DNAI4: variants seen among roughly 807,000 people sequenced by gnomAD.
DNAI4 encodes dynein axonemal intermediate chain 4, also known as WD repeat domain 78.
Under a neutral mutation model 105.8 loss-of-function variants are expected in DNAI4, and 85 were observed. The ratio of observed to expected loss-of-function variants is 0.80; its 90% CI spans 0.67 to 0.96. The LOEUF (loss-of-function observed/expected upper bound fraction) is 0.96, where lower values mean the gene tolerates loss of function less well. Among genes scored for constraint, DNAI4 ranks in the 40% least tolerant of loss-of-function variants. The pLI is 0.00. For missense variants in DNAI4, 1,014 were observed against 1,005.6 expected, an observed-to-expected ratio of 1.01 and a Z score of -0.11; for synonymous variants, 352 against 331.5, an observed-to-expected ratio of 1.06 and a Z score of -0.67.
Position 66,826,832 on chromosome 1 carries a change from AG to A in DNAI4, c.2326del (p.Leu776PhefsTer9). On this transcript the variant is annotated frameshift_variant, in exon 15 of 17. Coordinates refer to ENST00000371026, the MANE Select transcript of DNAI4 (RefSeq NM_024763.5). LOFTEE classifies it high-confidence loss of function. ...ANENRVEIWDLHISTLDPLIV... is the reference protein window; with the variant it reads ...ANENRVEIWDXHISTLDPLIV... ...AATAGTAACTTACGTGCTGATATGA[AG>A]GTCCCAAATCTCCACCCTGTTCTCA... is the stretch of plus-strand genomic sequence containing the variant. The A allele has an allele frequency of 1.2e-6, 2 of 1,613,978 alleles. No homozygotes were observed. Among genetic ancestry groups the A allele is most frequent in the Non-Finnish European group, 1.7e-6 (2 of 1,179,962 alleles).
At chr1:66,866,124 C>T (rs991654320) in intron 6 of DNAI4, among the ~76,000 whole-genome samples, 21 of 151,828 alleles carry the variant, frequency 1.4e-4, no homozygotes, top group Admixed American at 3.9e-4. Flanking sequence ...CTGGCCAAAA[C>T]GGTGAAATCC....
At chr1:66,816,959 T>C (rs1232273581) in intron 16 of DNAI4, among the ~76,000 whole-genome samples, 1 of 152,204 alleles carries the variant, frequency 6.6e-6, no homozygotes, top group African/African-American at 2.4e-5. Flanking sequence ...AATATGTTTT[T>C]ATTTTTGTGT....
chr1:66,875,061 A>G, intron 4 of DNAI4, 124 bp from the exon 5 acceptor site: 1 of 942,296 alleles, frequency 1.1e-6, no homozygotes, highest in Non-Finnish European at 1.5e-6. Context: ...GTCAAGGAAC[A>G]GGCCAGGTTG....
chr1:66,872,105 T>C (rs995151149), intron 5 of DNAI4, among the ~76,000 whole-genome samples: 3 of 152,202 alleles, frequency 2.0e-5, no homozygotes, highest in African/African-American at 7.2e-5. Context: ...ATGTGTTCTC[T>C]GGTTGACCTA....
At chr1:66,858,184 A>G (rs72671674) in intron 7 of DNAI4, among the ~76,000 whole-genome samples, 16,374 of 152,116 alleles carry the variant, frequency 0.11, 1,017 homozygotes, top group Middle Eastern at 0.19. Flanking sequence ...CCAAAACCAG[A>G]TGAAGACATT....
At chr1:66,838,753 T>A (rs987533865) in intron 9 of DNAI4, among the ~76,000 whole-genome samples, 1 of 152,220 alleles carries the variant, frequency 6.6e-6, no homozygotes, top group African/African-American at 2.4e-5. Context: ...ACCCTGACAT[T>A]GACATATCCC....
At chr1:66,899,616 T>C (rs999634073) in intron 2 of DNAI4, among the ~76,000 whole-genome samples, 2 of 152,246 alleles carry the variant, frequency 1.3e-5, no homozygotes, top group Non-Finnish European at 2.9e-5. Context: ...TTGTTACGTA[T>C]GCTTTCAGTG....
intron 7 of DNAI4, among the ~76,000 whole-genome samples, chr1:66,854,316 G>A (rs1646455544): frequency 6.6e-6 from 1 of 152,076 alleles, no homozygotes; most frequent in Non-Finnish European, 1.5e-5. Context: ...GCTTGAGCCT[G>A]GGAGGTTGAG....
chr1:66,873,852 C>CTTTTTTTTT (rs749140367), intron 5 of DNAI4, among the ~76,000 whole-genome samples: 24 of 110,152 alleles, frequency 2.2e-4, no homozygotes, highest in African/African-American at 6.2e-4. Context: ...TCCCTCTTTC[C>CTTTTTTTTT]TTTTTTTTTT....
At chr1:66,913,483 C>G (rs1463269496) in intron 1 of DNAI4, among the ~76,000 whole-genome samples, 1 of 152,138 alleles carries the variant, frequency 6.6e-6, no homozygotes, top group Non-Finnish European at 1.5e-5. Flanking sequence ...AGGAAAAGGG[C>G]ATTTGCTCCT....
At chr1:66,817,870 A>G (rs1400540755) in intron 16 of DNAI4, among the ~76,000 whole-genome samples, 2 of 152,206 alleles carry the variant, frequency 1.3e-5, no homozygotes, top group Admixed American at 1.3e-4. Context: ...TCAGGCTGGC[A>G]GCTAAGGTAA....
chr1:66,878,340 T>A (rs189742878), intron 4 of DNAI4, among the ~76,000 whole-genome samples: 2 of 152,164 alleles, frequency 1.3e-5, no homozygotes, highest in Non-Finnish European at 2.9e-5. Context: ...TTGTTGTTTG[T>A]TTATTGTAGA....
At position 66,833,708 on chromosome 1, in the gene DNAI4, TG is replaced by T; in HGVS notation, c.1892-3del. 1 of 1,610,638 alleles carries T rather than the reference TG, an allele frequency of 6.2e-7. No individual in the cohort carries two copies. Among genetic ancestry groups the T allele is most frequent in the Non-Finnish European group, 8.5e-7 (1 of 1,178,826 alleles). On this transcript the variant is annotated splice_region_variant and splice_polypyrimidine_tract_variant and intron_variant, in intron 12 of 16. Coordinates refer to ENST00000371026, the MANE Select transcript of DNAI4 (RefSeq NM_024763.5). ...TAGTTCTCTTTAATCGCATCAAATC[TG>T]TATTTAAAGAAAAACATATATAACT...
rs903313342 is a variant in DNAI4, at chr1:66,823,770, T to C, written c.2340-1253A>G. Among the ~76,000 whole-genome samples the C allele has an allele frequency of 2.0e-5, 3 of 149,698 alleles. No individual in the cohort carries two copies. In the South Asian group the frequency reaches 6.3e-4, roughly 32 times the overall value. On this transcript the variant is annotated intron_variant, in intron 15 of 16. Coordinates refer to ENST00000371026, the MANE Select transcript of DNAI4 (RefSeq NM_024763.5). ...TTGATGGGGTTGTTTGTTTTTTTCT[T>C]GTAAATTTGTTTGAGTTCATTGTAG...
intron 4 of DNAI4, among the ~76,000 whole-genome samples, chr1:66,875,470 T>C (rs753746533): frequency 3.3e-5 from 5 of 152,082 alleles, no homozygotes; most frequent in African/African-American, 4.8e-5. Flanking sequence ...AGAAATAAAA[T>C]TGGAACCAAT....
chr1:66,914,813 A>G (rs905696937), intron 1 of DNAI4, among the ~76,000 whole-genome samples: 2 of 152,212 alleles, frequency 1.3e-5, no homozygotes, highest in Non-Finnish European at 2.9e-5. Flanking sequence ...TTTCACTACT[A>G]AAAATATATA....
intron 4 of DNAI4, among the ~76,000 whole-genome samples, chr1:66,876,357 TTCCTTTGC>T (rs1646958742): frequency 6.6e-6 from 1 of 152,184 alleles, no homozygotes; most frequent in Non-Finnish European, 1.5e-5. Flanking sequence ...CCACCAGATC[TTCCTTTGC>T]AATTTAGTTA....
In DNAI4 at chr1:66,894,712, C is replaced by T. The variant is rs146282897; in HGVS notation, c.346-1299G>A. Among the ~76,000 whole-genome samples, 259 of 152,216 alleles carry T rather than the reference C, an allele frequency of 1.7e-3. 1 individual carries two copies. The highest frequency in any genetic ancestry group is 6.2e-3 in the African/African-American group (257 of 41,544). ...CAACAAGAGTTTTTGAAAATCCTGT[C>T]CTTTCCCCATTACTCTGCAGTTCAC... On this transcript the variant is annotated intron_variant, in intron 2 of 16. Transcript: ENST00000371026.
At chr1:66,851,875 A>G (rs1033665494) in intron 7 of DNAI4, among the ~76,000 whole-genome samples, 2 of 151,914 alleles carry the variant, frequency 1.3e-5, no homozygotes, top group Non-Finnish European at 2.9e-5. Flanking sequence ...AGAATATAGA[A>G]GAGAAAAAAG....
Sources: allele counts gnomAD v4.1 joint callset (sites outside exome capture counted in the v4.1 genomes callset), GRCh38; gene constraint gnomAD v4.1.1; transcripts MANE v1.5; gene names NCBI Gene and HGNC (gene_info 2026-07-23, HGNC 2026-07-21).